The following LEPROTL1 variants were observed in gnomAD, a reference collection of about 807,000 sequenced individuals.
LEPROTL1 encodes leptin receptor overlapping transcript-like 1.
Under a neutral mutation model 15.4 loss-of-function variants are expected in LEPROTL1, and 6 were observed. The observed-to-expected ratio is 0.39, with a 90% confidence interval of 0.21 to 0.77. LEPROTL1 has a LOEUF of 0.77. Among genes scored for constraint, LEPROTL1 ranks in the 30% least tolerant of loss-of-function variants. The pLI is 0.41. For missense variants in LEPROTL1, 128 were observed against 158.1 expected, an observed-to-expected ratio of 0.81 and a Z score of 1.02; for synonymous variants, 56 against 52.6, an observed-to-expected ratio of 1.06 and a Z score of -0.28.
At chr8:30,117,707 G>C (rs1802762731) in intron 3 of LEPROTL1, 1 of 1,331,462 alleles carries the variant, frequency 7.5e-7, no homozygotes, top group African/African-American at 1.4e-5. Context: ...TAAGCACCTG[G>C]CTGGCGTTTG....
At chr8:30,132,224 C>T (rs1444904503) in intron 3 of LEPROTL1, 6 of 1,551,870 alleles carry the variant, frequency 3.9e-6, no homozygotes, top group Non-Finnish European at 5.2e-6. Flanking sequence ...AACACCTGTC[C>T]TGGATGGAGT....
Position 30,106,634 on chromosome 8 carries a change from G to A in LEPROTL1, c.*772G>A, listed in dbSNP as rs1397882182. ...TATTTATGTTTATTATTGTTAGAGT[G>A]AGTTGCAATGTGGGAAGAAATGACA... On this transcript the variant is annotated 3_prime_UTR_variant, in exon 4 of 4. Coordinates refer to ENST00000321250, the MANE Select transcript of LEPROTL1 (RefSeq NM_015344.3). The A allele has an allele frequency of 1.0e-6, 1 of 982,646 alleles. No individual in the cohort carries two copies. The highest frequency in any genetic ancestry group is 1.7e-5 in the African/African-American group (1 of 57,154). 60.9% of individuals were successfully genotyped at this position (982,646 alleles called of 1,614,324 possible).
intron 1 of LEPROTL1, chr8:30,096,503 CT>C: frequency 2.4e-6 from 1 of 416,498 alleles, no homozygotes; most frequent in Non-Finnish European, 3.2e-6. Flanking sequence ...GGGTCACAGT[CT>C]TACTGTTTCT....
At chr8:30,115,803 T>C (rs1488033664) in intron 3 of LEPROTL1, among the ~76,000 whole-genome samples, 1 of 152,034 alleles carries the variant, frequency 6.6e-6, no homozygotes, top group Non-Finnish European at 1.5e-5. Context: ...TACCCACAAA[T>C]TTGGCAAAGA....
chr8:30,116,757 C>T (rs892033062), intron 3 of LEPROTL1, among the ~76,000 whole-genome samples: 1 of 152,202 alleles, frequency 6.6e-6, no homozygotes, highest in Non-Finnish European at 1.5e-5. Flanking sequence ...CTATAAGCTA[C>T]TGTAGCAAAT....
Position 30,108,143 on chromosome 8 carries a change from G to A in LEPROTL1, c.*2281G>A. Reference sequence around the variant, plus strand: ...TGAAGTGCATTAACATTCTAATAAGGTGATGTAAAGCAAGATGACATTGGT... The same window carrying A: ...TGAAGTGCATTAACATTCTAATAAGATGATGTAAAGCAAGATGACATTGGT... On this transcript the variant is annotated 3_prime_UTR_variant, in exon 4 of 4. Coordinates refer to ENST00000321250, the MANE Select transcript of LEPROTL1 (RefSeq NM_015344.3). 2.7e-6 allele frequency: 1 copy of A among 373,750 alleles called. No individual in the cohort carries two copies. Among genetic ancestry groups the A allele is most frequent in the Non-Finnish European group, 3.7e-6 (1 of 271,060 alleles). The allele number at this position is 373,750 out of a possible 1,614,324, so 23.2% of individuals were successfully genotyped here. A position where few individuals can be genotyped will look rare whatever the true frequency, so the allele number is the denominator to read the frequency against.
At chr8:30,117,676 T>C (rs1016153797) in intron 3 of LEPROTL1, 3 of 1,473,772 alleles carry the variant, frequency 2.0e-6, no homozygotes, top group Non-Finnish European at 2.8e-6. Context: ...AACCAGACGA[T>C]GACTTTGGAG....
rs1259249859 is a variant in LEPROTL1 at position 30,107,646 on chromosome 8, G to T, written c.*1784G>T. The T allele has an allele frequency of 5.1e-6, 5 of 985,646 alleles. No individual in the cohort carries two copies. In the Admixed American group the frequency reaches 1.8e-4, roughly 36 times the overall value. The allele number at this position is 985,646 out of a possible 1,614,324, so 61.1% of individuals were successfully genotyped here. On this transcript the variant is annotated 3_prime_UTR_variant, in exon 4 of 4. Transcript: ENST00000321250. ...GCCTTCCCACTGGAGGCTGAAAGTGGCTTGTGGTATTATAATGTTCAGATT... is the reference window on the plus strand; with the variant it reads ...GCCTTCCCACTGGAGGCTGAAAGTGTCTTGTGGTATTATAATGTTCAGATT...
rs1802575837 is a variant in LEPROTL1, at chr8:30,106,772, T to G, written c.*910T>G. On this transcript the variant is annotated 3_prime_UTR_variant, in exon 4 of 4. Transcript: ENST00000321250. ...TGGACATACATGGAACCACTACTGA[T>G]GAGGGACAGTTGTATGTTTGCATCA... 3.4e-5 allele frequency: 33 copies of G among 984,306 alleles called. No homozygotes were observed. Among genetic ancestry groups the G allele is most frequent in the Non-Finnish European group, 3.6e-5 (30 of 828,606 alleles). The allele number at this position is 984,306 out of a possible 1,614,324, so 61.0% of individuals were successfully genotyped here.
chr8:30,103,356 T>G (rs1019569707), intron 2 of LEPROTL1, among the ~76,000 whole-genome samples: 1 of 152,228 alleles, frequency 6.6e-6, no homozygotes, highest in African/African-American at 2.4e-5. Context: ...AGAGGAGATT[T>G]GGAACTTTTA....
In LEPROTL1 at chr8:30,131,914, G is replaced by A. The variant is rs1302170742; in HGVS notation, c.280-461G>A. The A allele has an allele frequency of 2.0e-6, 3 of 1,524,008 alleles. 1 individual carries two copies. Among genetic ancestry groups the A allele is most frequent in the Non-Finnish European group, 2.7e-6 (3 of 1,131,350 alleles). 94.4% of individuals were successfully genotyped at this position (1,524,008 alleles called of 1,614,324 possible). The stretch of plus-strand genomic sequence containing the variant: ...TGGCACTTTCTAAAATGTTTCCTGG[G>A]TGTTTAAGGTGAAAGCCAGGGAAAG... On this transcript the variant is annotated intron_variant, in intron 3 of 4. Transcript: ENST00000442880.
chr8:30,134,768 G>C (rs1803103194), intron 4 of LEPROTL1, among the ~76,000 whole-genome samples: 1 of 152,158 alleles, frequency 6.6e-6, no homozygotes, highest in Non-Finnish European at 1.5e-5. Context: ...GGCTGGTCTT[G>C]AACTCCTCAT....
intron 3 of LEPROTL1, among the ~76,000 whole-genome samples, chr8:30,115,734 CATT>C (rs376204717): frequency 5.9e-5 from 9 of 151,788 alleles, no homozygotes; most frequent in African/African-American, 2.2e-4. Context: ...TGGGAAGGGG[CATT>C]ATTCTCATTA....
At chr8:30,137,204 C>G in intron 4 of LEPROTL1, 1 of 1,187,522 alleles carries the variant, frequency 8.4e-7, no homozygotes, top group Non-Finnish European at 1.2e-6. Context: ...CCTCTCATCT[C>G]AGGGATCTTG....
intron 3 of LEPROTL1, among the ~76,000 whole-genome samples, chr8:30,128,143 G>A (rs569585112): frequency 6.6e-6 from 1 of 152,220 alleles, no homozygotes; most frequent in African/African-American, 2.4e-5. Context: ...CAGACAGATG[G>A]CTCCAGTCTA....
downstream of LEPROTL1, chr8:30,137,706 G>T: frequency 1.7e-6 from 1 of 578,550 alleles, no homozygotes; most frequent in South Asian, 2.1e-5. Context: ...CTCATTTTGG[G>T]AGGAACTTAG....
intron 3 of LEPROTL1, among the ~76,000 whole-genome samples, chr8:30,116,286 A>G (rs985070606): frequency 6.6e-6 from 1 of 152,014 alleles, no homozygotes; most frequent in Non-Finnish European, 1.5e-5. Flanking sequence ...CACACAGCTC[A>G]TAACATCTTT....
At chr8:30,103,633 C>G (rs1228656400) in intron 2 of LEPROTL1, among the ~76,000 whole-genome samples, 2 of 151,124 alleles carry the variant, frequency 1.3e-5, no homozygotes, top group African/African-American at 2.4e-5. Flanking sequence ...CCCAGCTAGT[C>G]ACGGGGGCTG....
In LEPROTL1 at chr8:30,106,362, CGGTT is replaced by C. The variant is rs1268208550; in HGVS notation, c.*503_*506del. The C allele has an allele frequency of 3.8e-5, 37 of 986,112 alleles. No homozygotes were observed. The African/African-American group carries it at 5.8e-4, about 15-fold the overall frequency. The allele number at this position is 986,112 out of a possible 1,614,324, so 61.1% of individuals were successfully genotyped here. A position where few individuals can be genotyped will look rare whatever the true frequency, so the allele number is the denominator to read the frequency against. Reference sequence around the variant, plus strand: ...TCCCAATGTTATGCAGACATACAGACGGTTGGCATACGTTATAGACTGTATACTC... The same window carrying C: ...TCCCAATGTTATGCAGACATACAGACGGCATACGTTATAGACTGTATACTC... On this transcript the variant is annotated 3_prime_UTR_variant, in exon 4 of 4. Transcript: ENST00000321250.
Sources: gnomAD v4.1 joint callset for allele counts (sites outside exome capture counted in the v4.1 genomes callset) on GRCh38, gnomAD v4.1.1 for gene constraint, MANE v1.5 for transcripts, NCBI Gene and HGNC (gene_info 2026-07-23, HGNC 2026-07-21) for gene names.